SLC15A5: variants seen among roughly 807,000 people sequenced by gnomAD.
The protein encoded by SLC15A5 is solute carrier family 15 member 5.
In SLC15A5, 58 loss-of-function variants were observed where a neutral mutation model predicts 56.1. The observed-to-expected ratio is 1.03, with a 90% confidence interval of 0.84 to 1.29. The LOEUF (loss-of-function observed/expected upper bound fraction) is 1.29, where lower values mean the gene tolerates loss of function less well. Among genes scored for constraint, SLC15A5 ranks in the 50% most tolerant of loss-of-function variants. SLC15A5 has a pLI of 0.00. For synonymous variants in SLC15A5, 264 were observed against 250.5 expected, an observed-to-expected ratio of 1.05 and a Z score of -0.51; for missense variants, 681 against 672.1, an observed-to-expected ratio of 1.01 and a Z score of -0.15.
At chr12:16,248,385 A>G (rs775837329) in intron 3 of SLC15A5, among the ~76,000 whole-genome samples, 1 of 152,094 alleles carries the variant, frequency 6.6e-6, no homozygotes, top group Non-Finnish European at 1.5e-5. Context: ...CTAGGGCTGC[A>G]CATCCGTTAG....
chr12:16,263,654 G>T (rs1163309526), intron 2 of SLC15A5, among the ~76,000 whole-genome samples: 1 of 152,144 alleles, frequency 6.6e-6, no homozygotes, highest in Non-Finnish European at 1.5e-5. Flanking sequence ...AGTTCTAAGA[G>T]GCAAAAATGG....
chr12:16,276,533 TATTTA>T (rs1263300112), intron 1 of SLC15A5, among the ~76,000 whole-genome samples: 1 of 152,084 alleles, frequency 6.6e-6, no homozygotes, highest in East Asian at 1.9e-4. Flanking sequence ...GATCTCTCTC[TATTTA>T]ATTCCTCACT....
rs1424549509 is a variant in SLC15A5, at chr12:16,235,314, A to G, written c.1162+4367T>C. ...TGTATATGTATATGTATATATATGT[A>G]TATATGTATATGTATATGTACATAT... is the stretch of plus-strand genomic sequence containing the variant. On this transcript the variant is annotated intron_variant, in intron 5 of 8. Transcript: ENST00000344941. This position sits in a 1 kb window ranked among gnomAD's most constrained non-coding sequence, Gnocchi z 4.1. 4.0e-5 allele frequency among the ~76,000 whole-genome samples: 6 copies of G among 149,326 alleles called. No homozygotes were observed. Among genetic ancestry groups the G allele is most frequent in the African/African-American group, 1.2e-4 (5 of 40,934 alleles).
intron 8 of SLC15A5, among the ~76,000 whole-genome samples, chr12:16,190,646 G>T (rs1203608238): frequency 6.6e-6 from 1 of 151,998 alleles, no homozygotes; most frequent in Non-Finnish European, 1.5e-5. Context: ...ATACACATAA[G>T]TTTCAAAAAT....
chr12:16,213,811 C>T (rs990257489), intron 7 of SLC15A5, among the ~76,000 whole-genome samples: 1 of 152,158 alleles, frequency 6.6e-6, no homozygotes, highest in Non-Finnish European at 1.5e-5. Context: ...ATGTCCTCAC[C>T]ATGTGTCCTT....
Position 16,200,872 on chromosome 12 carries a change from G to C in SLC15A5, c.1484-6419C>G, listed in dbSNP as rs117611790. 1.6e-3 allele frequency among the ~76,000 whole-genome samples: 247 copies of C among 152,104 alleles called. 6 individuals carry two copies. In the East Asian group the frequency reaches 0.028, roughly 17 times the overall value. On this transcript the variant is annotated intron_variant, in intron 7 of 8. Transcript: ENST00000344941. ...CATAAAACAAATCTAAGGAAAGTAG[G>C]AGTAAGGAAATAGAGATGAGAACAG...
intron 1 of SLC15A5, among the ~76,000 whole-genome samples, chr12:16,276,392 C>T (rs1055990734): frequency 6.6e-6 from 1 of 152,006 alleles, no homozygotes; most frequent in East Asian, 1.9e-4. Flanking sequence ...CCAAGTTGCT[C>T]AGATCAGAAA....
rs188098014 is a variant in SLC15A5, at chr12:16,243,469, A to G, written c.975+1111T>C. On this transcript the variant is annotated intron_variant, in intron 4 of 8. Coordinates refer to ENST00000344941, the MANE Select transcript of SLC15A5 (RefSeq NM_001170798.1). The surrounding 1 kb of genome is among the most constrained non-coding windows in gnomAD (Gnocchi z 4.4). ...GGTAATCTGCCTGCCTCGGCCTCCC[A>G]AAGTGCTGGGATTACAGGTGTAAGC... Among the ~76,000 whole-genome samples, 6 of 152,288 alleles carry G rather than the reference A, an allele frequency of 3.9e-5. No individual in the cohort carries two copies. Among genetic ancestry groups the G allele is most frequent in the Admixed American group, 1.3e-4 (2 of 15,294 alleles).
At chr12:16,263,172 C>A (rs1306831634) in intron 2 of SLC15A5, among the ~76,000 whole-genome samples, 2 of 152,128 alleles carry the variant, frequency 1.3e-5, no homozygotes, top group African/African-American at 4.8e-5. Flanking sequence ...TGTTGAATGG[C>A]TTTGACCAAA....
intron 5 of SLC15A5, among the ~76,000 whole-genome samples, chr12:16,227,905 T>C (rs1864258516): frequency 6.6e-6 from 1 of 152,124 alleles, no homozygotes; most frequent in Non-Finnish European, 1.5e-5. Context: ...GGGCTTAAGT[T>C]ACAATCAGGG....
At chr12:16,261,673 C>T (rs1864644277) in intron 2 of SLC15A5, among the ~76,000 whole-genome samples, 2 of 152,160 alleles carry the variant, frequency 1.3e-5, no homozygotes, top group East Asian at 1.9e-4. Context: ...GTAGTTGTAA[C>T]ATTTTTACAT....
chr12:16,194,446 C>T lies in SLC15A5; in HGVS notation c.1491G>A (p.Trp497Ter), dbSNP rs866704677. The part of the protein sequence containing the change: ...KLVYLISDGN[W>*]FPNTLNKGNL... ...TGCCTTTGTTTAATGTGTTTGGAAACCAATTGCCTGTTTGGAACAAATGTA... is the reference window on the plus strand; with the variant it reads ...TGCCTTTGTTTAATGTGTTTGGAAATCAATTGCCTGTTTGGAACAAATGTA... The change falls in exon 8 of 9, where the codon TGG becomes TGA. Residue 497 changes from tryptophan to a stop codon, truncating the protein, a stop_gained. Transcript: ENST00000344941. LOFTEE classifies it high-confidence loss of function. The T allele has an allele frequency of 7.8e-6, 12 of 1,530,610 alleles. No individual in the cohort carries two copies. The highest frequency in any genetic ancestry group is 6.9e-5 in the African/African-American group (5 of 72,810). The allele number at this position is 1,530,610 out of a possible 1,614,324, so 94.8% of individuals were successfully genotyped here.
intron 7 of SLC15A5, among the ~76,000 whole-genome samples, chr12:16,203,734 C>T (rs1026759652): frequency 1.3e-5 from 2 of 152,026 alleles, no homozygotes; most frequent in East Asian, 1.9e-4. Flanking sequence ...AGATGCAAAG[C>T]ATAGGAGTAA....
intron 3 of SLC15A5, 39 bp from the exon 4 acceptor site, chr12:16,244,839 T>A (rs1231559696): frequency 6.6e-7 from 1 of 1,507,220 alleles, no homozygotes; most frequent in Admixed American, 2.0e-5. Context: ...AGTATAGGAA[T>A]TGTTCTCCAG....
intron 5 of SLC15A5, among the ~76,000 whole-genome samples, chr12:16,231,103 T>G (rs1864293380): frequency 6.6e-6 from 1 of 152,192 alleles, no homozygotes. Flanking sequence ...CAAAATTTGG[T>G]ATTAGATAGT....
chr12:16,215,854 C>T (rs1271449036), intron 7 of SLC15A5, among the ~76,000 whole-genome samples: 3 of 152,136 alleles, frequency 2.0e-5, no homozygotes, highest in African/African-American at 7.2e-5. Flanking sequence ...TCATTGCTTC[C>T]TTGTACCCCT....
Position 16,224,499 on chromosome 12 carries a change from A to T in SLC15A5, c.1266T>A (p.Val422=). 1 of 1,537,300 alleles carries T rather than the reference A, an allele frequency of 6.5e-7. No homozygotes were observed. Among genetic ancestry groups the T allele is most frequent in the Middle Eastern group, 1.7e-4 (1 of 5,990 alleles). ...AACAGGGCATGGAGGAAACAGTGAG[A>T]ACTTTTCCTGAAAGGGGCTGCTCCA... ...PAVEQPLSGK[V]LTVSSMPCFY... The change falls in exon 6 of 9, where the codon GTT becomes GTA. Residue 422 remains valine (V), a synonymous_variant. Coordinates refer to ENST00000344941, the MANE Select transcript of SLC15A5 (RefSeq NM_001170798.1).
At position 16,189,538 on chromosome 12, in the gene SLC15A5, A is replaced by C; in HGVS notation, c.*130T>G. ...ATTCATAATTAGTCTTTGTAAATAAAGTATACAGATGATATTTGTAAAATC... is the reference window on the plus strand; with the variant it reads ...ATTCATAATTAGTCTTTGTAAATAACGTATACAGATGATATTTGTAAAATC... On this transcript the variant is annotated 3_prime_UTR_variant, in exon 9 of 9. Coordinates refer to ENST00000344941, the MANE Select transcript of SLC15A5 (RefSeq NM_001170798.1). The C allele has an allele frequency of 1.4e-6, 1 of 695,474 alleles. No homozygotes were observed. Among genetic ancestry groups the C allele is most frequent in the Non-Finnish European group, 2.0e-6 (1 of 494,170 alleles). 43.1% of individuals were successfully genotyped at this position (695,474 alleles called of 1,614,324 possible).
intron 7 of SLC15A5, among the ~76,000 whole-genome samples, chr12:16,201,787 C>T (rs3983659): frequency 1.3e-5 from 2 of 151,978 alleles, no homozygotes; most frequent in African/African-American, 4.8e-5. Context: ...AATTAAACCT[C>T]TTTCCTTTAT....
Sources: gnomAD v4.1 joint callset for allele counts (sites outside exome capture counted in the v4.1 genomes callset) on GRCh38, gnomAD v4.1.1 for gene constraint, Gnocchi (gnomAD v3.1) non-coding constraint, MANE v1.5 for transcripts, NCBI Gene and HGNC (gene_info 2026-07-23, HGNC 2026-07-21) for gene names.